MEIS1: variants seen among roughly 807,000 people sequenced by gnomAD.
MEIS1 encodes the protein homeobox protein Meis1.
MEIS1 carries 5 observed loss-of-function variants against 50.8 expected under a neutral mutation model. The observed-to-expected ratio is 0.10, with a 90% CI of 0.05 to 0.21. The LOEUF (loss-of-function observed/expected upper bound fraction) is 0.21, where lower values mean the gene tolerates loss of function less well. MEIS1 is among the 10% of genes least tolerant of loss of function. MEIS1 has a pLI of 1.00. For missense variants in MEIS1, 318 were observed against 517.3 expected (o/e 0.61, Z 3.74); for synonymous variants, 176 against 179.3 (o/e 0.98, Z 0.15).
At chr2:66,440,067 G>GCT (rs757540870) in intron 3 of MEIS1, 83 bp downstream of exon 3, 197 of 1,012,614 alleles carry the variant, frequency 1.9e-4, no homozygotes, top group African/African-American at 9.5e-4. Context: ...GCGCGCGCGC[G>GCT]AACACACACA....
At chr2:66,440,827 G>A in intron 4 of MEIS1, 1 of 571,802 alleles carries the variant, frequency 1.7e-6, no homozygotes, top group Non-Finnish European at 3.1e-6. Flanking sequence ...GCCAGCGCGG[G>A]GAAACGCGAG....
chr2:66,517,824 A>C (rs1017646007), intron 8 of MEIS1, among the ~76,000 whole-genome samples: 1 of 152,198 alleles, frequency 6.6e-6, no homozygotes, highest in African/African-American at 2.4e-5. Context: ...TTCTGGGGCA[A>C]CTGCCTTTTT....
chr2:66,515,525 A>G (rs1342881324), intron 8 of MEIS1, among the ~76,000 whole-genome samples: 1 of 152,194 alleles, frequency 6.6e-6, no homozygotes, highest in Non-Finnish European at 1.5e-5. Context: ...TACTCCAAAG[A>G]GAGAACTAAA....
intron 8 of MEIS1, among the ~76,000 whole-genome samples, chr2:66,527,348 C>T (rs1176968567): frequency 2.6e-5 from 4 of 152,122 alleles, no homozygotes; most frequent in Admixed American, 6.5e-5. Flanking sequence ...CACTTCCATA[C>T]CCTGACACTT....
At chr2:66,444,082 G>A (rs1558520846) in intron 6 of MEIS1, among the ~76,000 whole-genome samples, 1 of 152,116 alleles carries the variant, frequency 6.6e-6, no homozygotes, top group Non-Finnish European at 1.5e-5. Context: ...CGTGTAGAGT[G>A]AGTGAGATGA....
At position 66,567,585 on chromosome 2, in the gene MEIS1, G is replaced by A. The variant is rs781466027; in HGVS notation, c.1024+74G>A. On this transcript the variant is annotated intron_variant, in intron 10 of 12. Coordinates refer to ENST00000272369, the MANE Select transcript of MEIS1 (RefSeq NM_002398.3). ...CCTCAAGCCATTCACCGGGAGGTCC[G>A]CTACCTGGTAAATAAACTGGGAGTG... is the stretch of plus-strand genomic sequence containing the variant. 1.7e-5 allele frequency: 24 copies of A among 1,390,718 alleles called. No homozygotes were observed. The South Asian group carries it at 1.8e-4, about 10-fold the overall frequency. The allele number at this position is 1,390,718 out of a possible 1,614,324, so 86.1% of individuals were successfully genotyped here.
chr2:66,493,870 T>C (rs1386526533), intron 7 of MEIS1, among the ~76,000 whole-genome samples: 2 of 152,194 alleles, frequency 1.3e-5, no homozygotes, highest in African/African-American at 2.4e-5. Flanking sequence ...GAGTGACCCA[T>C]GCATCACTTA....
At chr2:66,444,857 AT>A (rs1254773628) in intron 6 of MEIS1, among the ~76,000 whole-genome samples, 1 of 152,208 alleles carries the variant, frequency 6.6e-6, no homozygotes, top group Non-Finnish European at 1.5e-5. Context: ...AATTACAAGA[AT>A]CGCTTAGGGG....
At chr2:66,534,069 A>G (rs1293380137) in intron 8 of MEIS1, among the ~76,000 whole-genome samples, 1 of 152,176 alleles carries the variant, frequency 6.6e-6, no homozygotes, top group Non-Finnish European at 1.5e-5. Flanking sequence ...ATGCTAAGCA[A>G]TTTGATGCGT....
At position 66,445,754 on chromosome 2, in the gene MEIS1, G is replaced by C. The variant is rs1270627312; in HGVS notation, c.630+2706G>C. 4.6e-5 allele frequency among the ~76,000 whole-genome samples: 7 copies of C among 152,346 alleles called. No individual in the cohort carries two copies. The East Asian group carries it at 1.2e-3, about 25-fold the overall frequency. On this transcript the variant is annotated intron_variant, in intron 6 of 12. Transcript: ENST00000272369. The stretch of plus-strand genomic sequence containing the variant: ...GACTTTGATACTAGGCGGTATCCCG[G>C]AGGGCTAAGTCGGCGGAAATCCACT...
At chr2:66,536,294 G>A (rs1004844068) in intron 8 of MEIS1, among the ~76,000 whole-genome samples, 1 of 152,156 alleles carries the variant, frequency 6.6e-6, no homozygotes, top group Non-Finnish European at 1.5e-5. Flanking sequence ...ATATTCCAGA[G>A]TGGAGATTTT....
intron 6 of MEIS1, among the ~76,000 whole-genome samples, chr2:66,452,742 A>G (rs914690996): frequency 1.3e-5 from 2 of 151,904 alleles, no homozygotes; most frequent in Non-Finnish European, 2.9e-5. Flanking sequence ...TTTCTGAAGA[A>G]TGTTGTTCAT....
chr2:66,445,868 G>T (rs1012679604), intron 6 of MEIS1, among the ~76,000 whole-genome samples: 1 of 151,876 alleles, frequency 6.6e-6, no homozygotes, highest in Admixed American at 6.6e-5. Flanking sequence ...TTAAAAATAG[G>T]ATTAAGACAC....
chr2:66,484,141 C>G (rs946945723), intron 7 of MEIS1, among the ~76,000 whole-genome samples: 2 of 152,082 alleles, frequency 1.3e-5, no homozygotes, highest in Admixed American at 6.6e-5. Flanking sequence ...CTATTAATTG[C>G]GACTAGAAAA....
chr2:66,453,460 C>G (rs1672319675), intron 6 of MEIS1, among the ~76,000 whole-genome samples: 1 of 151,850 alleles, frequency 6.6e-6, no homozygotes. Context: ...ATATAGAAAA[C>G]TTGACCGTTG....
intron 8 of MEIS1, among the ~76,000 whole-genome samples, chr2:66,530,036 C>A (rs1674350888): frequency 6.6e-6 from 1 of 151,928 alleles, no homozygotes; most frequent in Non-Finnish European, 1.5e-5. Flanking sequence ...AGGAAGAAGT[C>A]AGAGAAATTT....
chr2:66,438,106 G>A (rs1237171641), intron 2 of MEIS1, 143 bp downstream of exon 2: 20 of 804,760 alleles, frequency 2.5e-5, no homozygotes, highest in Non-Finnish European at 3.8e-5. Flanking sequence ...TGGATAATTT[G>A]GGGAGGTGGC....
chr2:66,473,293 G>A (rs35588463), intron 7 of MEIS1, among the ~76,000 whole-genome samples: 13,943 of 147,916 alleles, frequency 0.094, 1,293 homozygotes, highest in African/African-American at 0.24. Flanking sequence ...CAGGAGAATC[G>A]CTTGAATCTG....
intron 8 of MEIS1, among the ~76,000 whole-genome samples, chr2:66,544,865 A>G (rs1396435145): frequency 6.6e-6 from 1 of 152,184 alleles, no homozygotes; most frequent in East Asian, 1.9e-4. Context: ...GTGAAGAAAC[A>G]ACTGAAATTT....
Sources: allele counts gnomAD v4.1 joint callset (sites outside exome capture counted in the v4.1 genomes callset), GRCh38; gene constraint gnomAD v4.1.1; transcripts MANE v1.5; gene names NCBI Gene and HGNC (gene_info 2026-07-23, HGNC 2026-07-21).